IFT80: variants seen among roughly 807,000 people sequenced by gnomAD.
IFT80 encodes the protein intraflagellar transport 80.
A neutral mutation model predicts 107.9 loss-of-function variants in IFT80; 79 were observed. The ratio of observed to expected loss-of-function variants is 0.73; its 90% CI spans 0.61 to 0.88. The LOEUF is 0.88. Among genes scored for constraint, IFT80 ranks in the 40% least tolerant of loss-of-function variants. The probability of loss-of-function intolerance (pLI) is 0.00; values close to 1 mark genes in which losing one functional copy is unlikely to be tolerated. For synonymous variants in IFT80, 299 were observed against 300.9 expected, an observed-to-expected ratio of 0.99 and a Z score of 0.07; for missense variants, 797 against 914.2, an observed-to-expected ratio of 0.87 and a Z score of 1.65.
chr3:160,276,830 T>A (rs1337712275), intron 18 of IFT80, among the ~76,000 whole-genome samples: 1 of 152,210 alleles, frequency 6.6e-6, no homozygotes, highest in Non-Finnish European at 1.5e-5. Context: ...GCGGATGTCT[T>A]TTCATTCCAC....
chr3:160,386,064 G>A (rs1712906788), intron 1 of IFT80, among the ~76,000 whole-genome samples: 1 of 152,174 alleles, frequency 6.6e-6, no homozygotes, highest in Admixed American at 6.5e-5. Flanking sequence ...AATTCCTGAT[G>A]AGAATAAATC....
At chr3:160,307,242 G>A (rs1716893515) in intron 10 of IFT80, among the ~76,000 whole-genome samples, 1 of 152,028 alleles carries the variant, frequency 6.6e-6, no homozygotes, top group Non-Finnish European at 1.5e-5. Context: ...AGACCTCCTG[G>A]GCTCAAGCAA....
chr3:160,392,513 G>C (rs1308330004), intron 1 of IFT80, among the ~76,000 whole-genome samples: 1 of 152,024 alleles, frequency 6.6e-6, no homozygotes, highest in African/African-American at 2.4e-5. Context: ...TACCCATCTT[G>C]GTAAATGGCA....
chr3:160,388,377 A>G (rs577729225), intron 1 of IFT80, among the ~76,000 whole-genome samples: 5 of 152,032 alleles, frequency 3.3e-5, no homozygotes, highest in African/African-American at 1.2e-4. Context: ...GGACAGGGGC[A>G]TCACAAGTCA....
intron 14 of IFT80, 130 bp from the exon 15 acceptor site, chr3:160,280,944 T>C (rs1218187857): frequency 2.8e-5 from 22 of 782,434 alleles, no homozygotes; most frequent in Non-Finnish European, 4.6e-5. Context: ...TCTGATTCTA[T>C]AATGGTGAAA....
chr3:160,355,692 GA>G (rs956307574), intron 8 of IFT80, among the ~76,000 whole-genome samples: 1 of 151,006 alleles, frequency 6.6e-6, no homozygotes, highest in Non-Finnish European at 1.5e-5. Flanking sequence ...TGAAAGGTTA[GA>G]AAAAAAAAGT....
At chr3:160,366,986 T>C (rs1021614552) in intron 5 of IFT80, among the ~76,000 whole-genome samples, 2 of 152,056 alleles carry the variant, frequency 1.3e-5, no homozygotes, top group Non-Finnish European at 2.9e-5. Context: ...GTTCCATTGT[T>C]TTGATTTTTA....
chr3:160,310,162 A>G (rs560682942), intron 9 of IFT80, among the ~76,000 whole-genome samples: 1 of 152,344 alleles, frequency 6.6e-6, no homozygotes, highest in South Asian at 2.1e-4. Flanking sequence ...GCCCTCATGG[A>G]AAAATGGTTG....
chr3:160,296,089 A>G (rs1715959521), intron 12 of IFT80, among the ~76,000 whole-genome samples: 1 of 152,172 alleles, frequency 6.6e-6, no homozygotes, highest in Non-Finnish European at 1.5e-5. Flanking sequence ...CATTGTACCT[A>G]TATTGTATTG....
At chr3:160,260,089 C>T (rs1712694356) in intron 19 of IFT80, among the ~76,000 whole-genome samples, 2 of 151,976 alleles carry the variant, frequency 1.3e-5, no homozygotes, top group Admixed American at 1.3e-4. Flanking sequence ...TTCCAATATC[C>T]CATACCTGAA....
chr3:160,342,644 C>T (rs1225907535), intron 8 of IFT80: 1 of 152,200 alleles, frequency 6.6e-6, no homozygotes, highest in Non-Finnish European at 1.5e-5. Flanking sequence ...ATCTTGGAGC[C>T]TGTGGAGGCC....
At chr3:160,380,358 T>G (rs1172692636) in intron 3 of IFT80, among the ~76,000 whole-genome samples, 1 of 152,060 alleles carries the variant, frequency 6.6e-6, no homozygotes, top group Non-Finnish European at 1.5e-5. Context: ...CCAAGCTCAT[T>G]AAGGGTCCCT....
intron 14 of IFT80, among the ~76,000 whole-genome samples, chr3:160,281,018 T>C (rs1714648117): frequency 6.6e-6 from 1 of 152,182 alleles, no homozygotes; most frequent in Admixed American, 6.6e-5. Flanking sequence ...TTAGAACCCT[T>C]ATATTTTTAA....
rs986145374 is a variant in IFT80 at position 160,336,179 on chromosome 3, T to G, written c.778-16240A>C. Among the ~76,000 whole-genome samples, 4 of 152,212 alleles carry G rather than the reference T, an allele frequency of 2.6e-5. No individual in the cohort carries two copies. The East Asian group carries it at 7.7e-4, about 29-fold the overall frequency. ...TATACCCAGGTATGGAATTGCTGGA[T>G]CTATGGTAACTCCATCTTTAATGTT... is the stretch of plus-strand genomic sequence containing the variant. On this transcript the variant is annotated intron_variant, in intron 8 of 19. Transcript: ENST00000326448.
intron 5 of IFT80, among the ~76,000 whole-genome samples, chr3:160,369,289 GAAAC>G (rs1722074324): frequency 6.6e-6 from 1 of 151,868 alleles, no homozygotes; most frequent in African/African-American, 2.4e-5. Flanking sequence ...ACAAGCAATG[GAAAC>G]AAATAAATTA....
chr3:160,395,858 G>A (rs1713734280), intron 1 of IFT80, among the ~76,000 whole-genome samples: 1 of 151,938 alleles, frequency 6.6e-6, no homozygotes, highest in Non-Finnish European at 1.5e-5. Flanking sequence ...ATTTGGATTG[G>A]GTTTTCTGTC....
At chr3:160,312,909 A>AT (rs1717466380) in intron 9 of IFT80, among the ~76,000 whole-genome samples, 1 of 30,088 alleles carries the variant, frequency 3.3e-5, no homozygotes, top group African/African-American at 1.2e-4. Context: ...ATATATAATA[A>AT]ATATATATTA....
intron 12 of IFT80, chr3:160,299,288 T>C (rs891035233): frequency 5.5e-6 from 6 of 1,081,596 alleles, no homozygotes; most frequent in African/African-American, 5.0e-5. Context: ...AATGAAGAGA[T>C]AGAAAAGCTC....
chr3:160,315,429 T>C (rs377421755), intron 9 of IFT80, among the ~76,000 whole-genome samples: 1 of 152,198 alleles, frequency 6.6e-6, no homozygotes, highest in Non-Finnish European at 1.5e-5. Context: ...GGGAATTTAC[T>C]TGTGAGCATA....
Sources: allele counts gnomAD v4.1 joint callset (sites outside exome capture counted in the v4.1 genomes callset), GRCh38; gene constraint gnomAD v4.1.1; transcripts MANE v1.5; gene names NCBI Gene and HGNC (gene_info 2026-07-23, HGNC 2026-07-21).